The following ABCA7 variants were observed in gnomAD, a reference collection of about 807,000 sequenced individuals.
ABCA7 encodes the protein phospholipid-transporting ATPase ABCA7.
In ABCA7, 261 loss-of-function variants were observed where a neutral mutation model predicts 227.6. The ratio of observed to expected loss-of-function variants is 1.15; its 90% CI spans 1.04 to 1.27. The LOEUF (loss-of-function observed/expected upper bound fraction) is 1.27, where lower values mean the gene tolerates loss of function less well. ABCA7 is among the 50% of genes most tolerant of loss of function. ABCA7 has a pLI of 0.00. For missense variants in ABCA7, 3,331 were observed against 2,924.5 expected, an observed-to-expected ratio of 1.14 and a Z score of -3.21; for synonymous variants, 1,488 against 1,279.7, an observed-to-expected ratio of 1.16 and a Z score of -3.47.
Position 1,041,372 on chromosome 19 carries a change from G to T in ABCA7, c.11G>T (p.Trp4Leu), listed in dbSNP as rs1224740388. 13 of 1,613,886 alleles carry T rather than the reference G, an allele frequency of 8.1e-6. No individual in the cohort carries two copies. Among genetic ancestry groups the T allele is most frequent in the Admixed American group, 3.3e-5 (2 of 60,000 alleles). Residue 4 changes from tryptophan to leucine, a missense_variant, in exon 2 of 47, where the codon TGG becomes TTG. Transcript: ENST00000263094. ...CTGCCCAGTCTCACCATGGCCTTCT[G>T]GACACAGCTGATGCTGCTGCTCTGG... MAF[W>L]TQLMLLLWKN...
At chr19:1,041,482 C>T (rs748724631) in intron 2 of ABCA7, 28 bp from the exon 3 acceptor site, 3 of 1,613,690 alleles carry the variant, frequency 1.9e-6, no homozygotes, top group Admixed American at 3.3e-5. Context: ...CCACTGTCCC[C>T]CACCGTCTCC....
intron 5 of ABCA7, 52 bp downstream of exon 5, chr19:1,042,228 C>G (rs909846828): frequency 2.5e-6 from 4 of 1,591,676 alleles, no homozygotes; most frequent in Middle Eastern, 3.3e-4. Flanking sequence ...CCTCAACTTG[C>G]CGGGCCGTGA....
In ABCA7 at chr19:1,054,877, A is replaced by T; in HGVS notation, c.3949A>T (p.Arg1317Trp). The change falls in exon 29 of 47, where the codon AGG (arginine) becomes TGG (tryptophan). Residue 1317 changes from arginine to tryptophan, a missense_variant and splice_region_variant. By Grantham distance (101) the Arg-to-Trp change is moderately radical. Transcript: ENST00000263094. This position sits in a 1 kb window ranked among gnomAD's most constrained non-coding sequence, Gnocchi z 4.8. ...GCCCCCAGTGCAGCATAGCTCCCAC[A>T]GGTGAGGCGTCTTGTTGGCCTGGAC... The part of the protein sequence containing the change: ...EEPPVQHSSH[R>W]FSAPEVPAEV... The T allele has an allele frequency of 6.4e-7, 1 of 1,556,840 alleles. No homozygotes were observed. The highest frequency in any genetic ancestry group is 8.7e-7 in the Non-Finnish European group (1 of 1,150,334).
rs1201337060 is a variant in ABCA7, at chr19:1,056,027, G to A, written c.4239-39G>A. 3.9e-6 allele frequency: 6 copies of A among 1,557,630 alleles called. No individual in the cohort carries two copies. Among genetic ancestry groups the A allele is most frequent in the African/African-American group, 2.7e-5 (2 of 73,322 alleles). Reference sequence around the variant, plus strand: ...CCCTGGGAGCTCTCCCGGCCCCCCCGGCCCTCAGCTCCCCTTCCCTGCCTG... The same window carrying A: ...CCCTGGGAGCTCTCCCGGCCCCCCCAGCCCTCAGCTCCCCTTCCCTGCCTG... On this transcript the variant is annotated intron_variant, in intron 31 of 46. Coordinates refer to ENST00000263094, the MANE Select transcript of ABCA7 (RefSeq NM_019112.4). The surrounding 1 kb of genome is among the most constrained non-coding windows in gnomAD (Gnocchi z 4.3).
rs116526875 is a variant in ABCA7 at position 1,049,952 on chromosome 19, T to C, written c.2552+515T>C. ...TCCCCCACCACTCCCTCCCTGTGAG[T>C]CCCCCACCACTCCCTCCCTGTGAGC... On this transcript the variant is annotated intron_variant, in intron 18 of 46. Coordinates refer to ENST00000263094, the MANE Select transcript of ABCA7 (RefSeq NM_019112.4). Among the ~76,000 whole-genome samples, 108 of 6,922 alleles carry C rather than the reference T, an allele frequency of 0.016. 17 individuals are homozygous for C. The East Asian group carries it at 0.16, about 10-fold the overall frequency. The allele number at this position is 6,922 out of a possible 152,430, so 4.5% of individuals were successfully genotyped here.
Position 1,043,267 on chromosome 19 carries a change from C to G in ABCA7, c.790+16C>G, listed in dbSNP as rs199894311. The G allele has an allele frequency of 2.5e-6, 4 of 1,609,134 alleles. No individual in the cohort carries two copies. Among genetic ancestry groups the G allele is most frequent in the South Asian group, 1.1e-5 (1 of 91,000 alleles). On this transcript the variant is annotated intron_variant, in intron 8 of 46. Coordinates refer to ENST00000263094, the MANE Select transcript of ABCA7 (RefSeq NM_019112.4). ...AGCAGCCTGAGTGAGTGACTGACCT[C>G]GGTTTCCCCTCTTGGGAAGTGGAAC...
At position 1,050,980 on chromosome 19, in the gene ABCA7, A is replaced by G; in HGVS notation, c.2612A>G (p.Asp871Gly). 1 of 1,612,256 alleles carries G rather than the reference A, an allele frequency of 6.2e-7. No homozygotes were observed. The highest frequency in any genetic ancestry group is 8.5e-7 in the Non-Finnish European group (1 of 1,179,748). The change falls in exon 19 of 47, where the codon GAC (aspartate) becomes GGC (glycine). Residue 871 changes from aspartate (D) to glycine (G), a missense_variant. Coordinates refer to ENST00000263094, the MANE Select transcript of ABCA7 (RefSeq NM_019112.4). Reference protein sequence around the residue: ...SGGSAFILGHDVRSSMAAIRP... With the variant: ...SGGSAFILGHGVRSSMAAIRP... ...GGCTCTGCCTTCATCCTGGGCCACG[A>G]CGTCCGCTCCAGCATGGCCGCCATC... is the stretch of plus-strand genomic sequence containing the variant.
In ABCA7 at chr19:1,059,034, G is replaced by A. The variant is rs1009748910; in HGVS notation, c.5412G>A (p.Gly1804=). The A allele has an allele frequency of 1.2e-6, 2 of 1,613,902 alleles. No homozygotes were observed. The highest frequency in any genetic ancestry group is 1.7e-6 in the Non-Finnish European group (2 of 1,179,984). ...CTGCACTCTCCCAGGTATACCGTGG[G>A]CAGAGGATGCCAGCTGTTGACCGCT... is the stretch of plus-strand genomic sequence containing the variant. ...VLRNLTKVYR[G]QRMPAVDRLC... Residue 1804 remains glycine (G), a synonymous_variant, in exon 40 of 47, where the codon GGG becomes GGA. Transcript: ENST00000263094.
intron 40 of ABCA7, among the ~76,000 whole-genome samples, chr19:1,061,390 CAAAAAAAAA>C (rs978850571): frequency 5.4e-5 from 2 of 36,920 alleles, no homozygotes; most frequent in African/African-American, 2.8e-4. Context: ...GGCTCCGTCT[CAAAAAAAAA>C]AAAAAAAAAA....
rs1043804872 is a variant in ABCA7, at chr19:1,046,303, C to T, written c.1519C>T (p.Gln507Ter). ...RYVWGGFVYL[Q>*]DLVERAAVRV... ...CGTGTGGGGCGGCTTCGTGTACCTG[C>T]AAGACCTGGTGGAGCGTGCAGCCGT... Residue 507 changes from glutamine (Q) to a stop codon, truncating the protein, a stop_gained, in exon 13 of 47, where the codon CAA becomes TAA. Transcript: ENST00000263094. LOFTEE classifies it high-confidence loss of function. The T allele has an allele frequency of 6.2e-7, 1 of 1,605,670 alleles. No homozygotes were observed. Among genetic ancestry groups the T allele is most frequent in the Non-Finnish European group, 8.5e-7 (1 of 1,179,724 alleles).
chr19:1,053,783 C>A lies in ABCA7; in HGVS notation c.3424-5C>A. Reference sequence around the variant, plus strand: ...CAGTCTCTGAGCCCCTGCTTGTCTCCCCAGATCTTCCTGAAGGTGGTGGAG... The same window carrying A: ...CAGTCTCTGAGCCCCTGCTTGTCTCACCAGATCTTCCTGAAGGTGGTGGAG... On this transcript the variant is annotated splice_region_variant and splice_polypyrimidine_tract_variant and intron_variant, in intron 24 of 46. Transcript: ENST00000263094. 1 of 1,611,508 alleles carries A rather than the reference C, an allele frequency of 6.2e-7. No homozygotes were observed. The highest frequency in any genetic ancestry group is 8.5e-7 in the Non-Finnish European group (1 of 1,178,486).
At position 1,054,809 on chromosome 19, in the gene ABCA7, C is replaced by T. The variant is rs774158483; in HGVS notation, c.3881C>T (p.Ala1294Val). ...GACGCCCCAGGGGACCCTGGACGTG[C>T]CCGGCTGCTCGAGGCGCTGCTGCAG... ...SEDAPGDPGR[A>V]RLLEALLQEA... The change falls in exon 29 of 47, where the codon GCC (alanine) becomes GTC (valine). Residue 1294 changes from alanine to valine, a missense_variant. Coordinates refer to ENST00000263094, the MANE Select transcript of ABCA7 (RefSeq NM_019112.4). This position sits in a 1 kb window ranked among gnomAD's most constrained non-coding sequence, Gnocchi z 4.8. 29 of 1,586,054 alleles carry T rather than the reference C, an allele frequency of 1.8e-5. No homozygotes were observed. Among genetic ancestry groups the T allele is most frequent in the Middle Eastern group, 1.7e-4 (1 of 5,816 alleles).
At position 1,049,452 on chromosome 19, in the gene ABCA7, A is replaced by T; in HGVS notation, c.2552+15A>T. 7.6e-7 allele frequency: 1 copy of T among 1,315,882 alleles called. No homozygotes were observed. The highest frequency in any genetic ancestry group is 9.9e-7 in the Non-Finnish European group (1 of 1,014,888). The allele number at this position is 1,315,882 out of a possible 1,614,324, so 81.5% of individuals were successfully genotyped here. Reference sequence around the variant, plus strand: ...ACCACCACCCTGTGAGCCCCCAACCACTCCCTCCCCGTGAGCCCCCCCACT... The same window carrying T: ...ACCACCACCCTGTGAGCCCCCAACCTCTCCCTCCCCGTGAGCCCCCCCACT... On this transcript the variant is annotated intron_variant, in intron 18 of 46. Coordinates refer to ENST00000263094, the MANE Select transcript of ABCA7 (RefSeq NM_019112.4).
At chr19:1,055,373 A>G in intron 30 of ABCA7, 22 bp downstream of exon 30, 1 of 1,546,240 alleles carries the variant, frequency 6.5e-7, no homozygotes, top group Non-Finnish European at 8.7e-7. Context: ...CCTGGGACTC[A>G]GTTTCCCTGG....
In ABCA7 at chr19:1,053,535, T is replaced by C; in HGVS notation, c.3423+4T>C. 1 of 1,558,448 alleles carries C rather than the reference T, an allele frequency of 6.4e-7. No homozygotes were observed. Among genetic ancestry groups the C allele is most frequent in the Non-Finnish European group, 8.6e-7 (1 of 1,157,038 alleles). ...CTCCGACACCAGCCTCGAGGAGGTG[T>C]GAGGCCTGGGTGGTGGTGAGGTGGG... On this transcript the variant is annotated splice_donor_region_variant and intron_variant, in intron 24 of 46. Transcript: ENST00000263094.
At chr19:1,046,611 C>G (rs555502297) in intron 13 of ABCA7, among the ~76,000 whole-genome samples, 191 bp from the exon 14 acceptor site, 230 of 152,302 alleles carry the variant, frequency 1.5e-3, no homozygotes, top group African/African-American at 5.3e-3. Flanking sequence ...TCTGGGGGCC[C>G]CCGGCGCAGG....
chr19:1,054,234 G>T lies in ABCA7; in HGVS notation c.3619G>T (p.Ala1207Ser). ...PETDQGSGPD[A>S]VGRVQGWALT... Reference sequence around the variant, plus strand: ...GACTGACCAGGGCTCTGGGCCAGACGCCGTGGGCCGGGTACAGGGCTGGGC... The same window carrying T: ...GACTGACCAGGGCTCTGGGCCAGACTCCGTGGGCCGGGTACAGGGCTGGGC... Residue 1207 changes from alanine to serine, a missense_variant, in exon 27 of 47, where the codon GCC becomes TCC. By Grantham distance (99) the Ala-to-Ser change is moderately conservative. Coordinates refer to ENST00000263094, the MANE Select transcript of ABCA7 (RefSeq NM_019112.4). This position sits in a 1 kb window ranked among gnomAD's most constrained non-coding sequence, Gnocchi z 4.8. 2.5e-6 allele frequency: 4 copies of T among 1,608,312 alleles called. No individual in the cohort carries two copies. The highest frequency in any genetic ancestry group is 3.4e-6 in the Non-Finnish European group (4 of 1,177,494).
rs978850571 is a variant in ABCA7 at position 1,061,390 on chromosome 19, C to CAAAAAAAA, written c.5464-377_5464-370dup. 7.9e-4 allele frequency among the ~76,000 whole-genome samples: 29 copies of CAAAAAAAA among 36,898 alleles called. 1 individual carries two copies. Among genetic ancestry groups the CAAAAAAAA allele is most frequent in the African/African-American group, 4.1e-3 (29 of 7,064 alleles). 24.2% of individuals were successfully genotyped at this position (36,898 alleles called of 152,430 possible). On this transcript the variant is annotated intron_variant, in intron 40 of 46. Coordinates refer to ENST00000263094, the MANE Select transcript of ABCA7 (RefSeq NM_019112.4). ...GGGGTGACACAGCAAGGCTCCGTCT[C>CAAAAAAAA]AAAAAAAAAAAAAAAAAAAAAAGAG... is the stretch of plus-strand genomic sequence containing the variant.
rs181252704 is a variant in ABCA7 at position 1,043,296 on chromosome 19, G to A, written c.791-38G>A. On this transcript the variant is annotated intron_variant, in intron 8 of 46. Transcript: ENST00000263094. ...TTCCCCTCTTGGGAAGTGGAACTCT[G>A]GGCAGGGGGGCAGGGCCTCATGGCA... 2.6e-5 allele frequency: 42 copies of A among 1,612,186 alleles called. No individual in the cohort carries two copies. In the East Asian group the frequency reaches 4.2e-4, roughly 16 times the overall value.
Sources: allele counts gnomAD v4.1 joint callset (sites outside exome capture counted in the v4.1 genomes callset), GRCh38; gene constraint gnomAD v4.1.1; non-coding constraint Gnocchi (gnomAD v3.1); transcripts MANE v1.5; gene names NCBI Gene and HGNC (gene_info 2026-07-23, HGNC 2026-07-21).